QKI: variants seen among roughly 807,000 people sequenced by gnomAD.
The protein encoded by QKI is KH domain-containing RNA-binding protein QKI.
A neutral mutation model predicts 39.0 loss-of-function variants in QKI; 10 were observed. That is an observed-to-expected ratio of 0.26 (90% CI 0.16 to 0.43). QKI has a LOEUF of 0.43. Ranked by LOEUF, QKI falls within the 20% of genes least tolerant of loss-of-function variation. The pLI is 1.00. For synonymous variants in QKI, 204 were observed against 155.4 expected (o/e 1.31, Z -2.33); for missense variants, 218 against 428.0 (o/e 0.51, Z 4.33).
intron 3 of QKI, among the ~76,000 whole-genome samples, chr6:163,493,782 G>A (rs1004990437): frequency 2.0e-5 from 3 of 152,130 alleles, no homozygotes. Context: ...GAAATTGTAA[G>A]CTCCCTCAGA....
chr6:163,419,578 A>G (rs998541642), intron 1 of QKI, among the ~76,000 whole-genome samples: 3 of 152,140 alleles, frequency 2.0e-5, no homozygotes, highest in Non-Finnish European at 4.4e-5. Context: ...ACTTCTTTCC[A>G]TTATCTTTTC....
intron 3 of QKI, among the ~76,000 whole-genome samples, chr6:163,527,097 T>C (rs1780565479): frequency 1.3e-5 from 2 of 152,206 alleles, no homozygotes; most frequent in Admixed American, 1.3e-4. Context: ...ACTTCCTAGA[T>C]GATGATTTCA....
chr6:163,496,085 A>G (rs1370242127), intron 3 of QKI, among the ~76,000 whole-genome samples: 1 of 152,160 alleles, frequency 6.6e-6, no homozygotes, highest in African/African-American at 2.4e-5. Flanking sequence ...TGTAATGAAT[A>G]TATTGTCTGA....
At chr6:163,427,840 T>G (rs911520766) in intron 1 of QKI, among the ~76,000 whole-genome samples, 5 of 152,046 alleles carry the variant, frequency 3.3e-5, no homozygotes, top group Non-Finnish European at 7.3e-5. Context: ...CTGAATAATA[T>G]CAGTAAAAAT....
intron 1 of QKI, among the ~76,000 whole-genome samples, chr6:163,432,603 A>G (rs955475892): frequency 6.6e-5 from 10 of 152,008 alleles, no homozygotes; most frequent in African/African-American, 2.4e-4. Context: ...GTCTCACGAT[A>G]TTGCCCAGCC....
chr6:163,530,010 G>A (rs1378979367), intron 3 of QKI, among the ~76,000 whole-genome samples: 3 of 152,132 alleles, frequency 2.0e-5, no homozygotes, highest in Non-Finnish European at 1.5e-5. Context: ...GTACTGTGCT[G>A]GAAAATGTAA....
chr6:163,444,723 A>C (rs961165955), intron 1 of QKI, among the ~76,000 whole-genome samples: 12 of 152,294 alleles, frequency 7.9e-5, no homozygotes, highest in Non-Finnish European at 1.5e-4. Flanking sequence ...GCTTATTTGA[A>C]GAAAGCAAAT....
At chr6:163,499,517 A>G (rs1225680581) in intron 3 of QKI, among the ~76,000 whole-genome samples, 1 of 152,216 alleles carries the variant, frequency 6.6e-6, no homozygotes, top group Non-Finnish European at 1.5e-5. Context: ...TTGATTAAAT[A>G]TATGCTAAAA....
chr6:163,531,439 A>T (rs992357275), intron 3 of QKI, among the ~76,000 whole-genome samples: 1 of 152,138 alleles, frequency 6.6e-6, no homozygotes, highest in Non-Finnish European at 1.5e-5. Context: ...GGGATATGGG[A>T]ATTGAACTGC....
At chr6:163,523,271 GTATT>G (rs1436629122) in intron 3 of QKI, among the ~76,000 whole-genome samples, 1 of 152,064 alleles carries the variant, frequency 6.6e-6, no homozygotes, top group African/African-American at 2.4e-5. Flanking sequence ...AATTTTTCAG[GTATT>G]TATTTTCCCT....
At chr6:163,442,986 G>A (rs1277985620) in intron 1 of QKI, among the ~76,000 whole-genome samples, 3 of 152,106 alleles carry the variant, frequency 2.0e-5, no homozygotes, top group Non-Finnish European at 4.4e-5. Context: ...ACTTGAAGAG[G>A]CAGTAAAAAA....
chr6:163,572,671 C>CA lies in QKI; in HGVS notation c.*1961_*1962insA. On this transcript the variant is annotated 3_prime_UTR_variant, in exon 8 of 8. Coordinates refer to ENST00000361752, the MANE Select transcript of QKI (RefSeq NM_006775.3). ...GTGGCAAATCTCAAGTGACAGTGGA[C>CA]CCCCCCCCCCGCCCAGCTTATCAAC... 4 of 21,530 alleles carry CA rather than the reference C, an allele frequency of 1.9e-4. No individual in the cohort carries two copies. The highest frequency in any genetic ancestry group is 2.8e-3 in the South Asian group (1 of 360). The allele number at this position is 21,530 out of a possible 1,614,324, so 1.3% of individuals were successfully genotyped here.
At chr6:163,514,998 ATG>A (rs1779703127) in intron 3 of QKI, among the ~76,000 whole-genome samples, 1 of 152,194 alleles carries the variant, frequency 6.6e-6, no homozygotes. Context: ...CTGTAACAAA[ATG>A]TGTATATTTA....
At chr6:163,481,571 T>C (rs565953907) in intron 3 of QKI, among the ~76,000 whole-genome samples, 9 of 152,328 alleles carry the variant, frequency 5.9e-5, no homozygotes, top group African/African-American at 1.9e-4. Flanking sequence ...TAAAGAAAAT[T>C]GTAAATGCTA....
At chr6:163,541,392 C>T (rs1781506578) in intron 4 of QKI, among the ~76,000 whole-genome samples, 1 of 151,886 alleles carries the variant, frequency 6.6e-6, no homozygotes, top group South Asian at 2.1e-4. Flanking sequence ...ATGAATGTTT[C>T]ACATACACTT....
chr6:163,538,390 A>G (rs1169643590), intron 4 of QKI, among the ~76,000 whole-genome samples: 6 of 152,184 alleles, frequency 3.9e-5, no homozygotes, highest in Admixed American at 2.6e-4. Flanking sequence ...CTGGTAAGAG[A>G]AGGTGACATC....
intron 3 of QKI, among the ~76,000 whole-genome samples, chr6:163,522,381 G>A (rs1181919227): frequency 6.6e-6 from 1 of 152,102 alleles, no homozygotes; most frequent in African/African-American, 2.4e-5. Context: ...AAATGAATAC[G>A]TGAGTGAGTT....
intron 1 of QKI, among the ~76,000 whole-genome samples, chr6:163,425,207 GAGGATGTTCCAGGAGAAGGGAAGGTGC>G (rs915585602): frequency 6.6e-6 from 1 of 152,164 alleles, no homozygotes; most frequent in Non-Finnish European, 1.5e-5. Flanking sequence ...TGGGAAGGTG[GAGGATGTTCCAGGAGAAGGGAAGGTGC>G]AGCATTGCCA....
chr6:163,447,532 G>A (rs1283321928), intron 1 of QKI, among the ~76,000 whole-genome samples: 2 of 151,870 alleles, frequency 1.3e-5, no homozygotes, highest in African/African-American at 4.8e-5. Flanking sequence ...CCAGCCTCTG[G>A]TATCTATAAT....
Sources: allele counts gnomAD v4.1 joint callset (sites outside exome capture counted in the v4.1 genomes callset), GRCh38; gene constraint gnomAD v4.1.1; transcripts MANE v1.5; gene names NCBI Gene and HGNC (gene_info 2026-07-23, HGNC 2026-07-21).